Variants in GCSAML observed in about 807,000 individuals in gnomAD.
The protein encoded by GCSAML is germinal center associated signaling and motility like, also known as germinal center-associated signaling and motility-like protein.
Under a neutral mutation model 13.0 loss-of-function variants are expected in GCSAML, and 9 were observed. That is an observed-to-expected ratio of 0.69 (90% CI 0.42 to 1.21). The LOEUF is 1.21. GCSAML is among the 50% of genes most tolerant of loss of function. GCSAML has a pLI of 0.00. For synonymous variants in GCSAML, 37 were observed against 52.9 expected (o/e 0.70, Z 1.31); for missense variants, 143 against 153.4 (o/e 0.93, Z 0.36).
At chr1:247,550,299 C>T (rs1667722650) in intron 1 of GCSAML, among the ~76,000 whole-genome samples, 1 of 152,158 alleles carries the variant, frequency 6.6e-6, no homozygotes, top group African/African-American at 2.4e-5. Context: ...TCAGCTGTCC[C>T]TTGATGTCTT....
chr1:247,517,930 G>A (rs969360724), intron 1 of GCSAML, among the ~76,000 whole-genome samples: 1 of 152,166 alleles, frequency 6.6e-6, no homozygotes, highest in African/African-American at 2.4e-5. Flanking sequence ...GCCAAAGCTG[G>A]AGACGGTCCC....
At chr1:247,546,572 A>G (rs1255434263), upstream of GCSAML, among the ~76,000 whole-genome samples, 2 of 152,062 alleles carry the variant, frequency 1.3e-5, no homozygotes, top group African/African-American at 2.4e-5. Flanking sequence ...TGTGTTAGCC[A>G]GGATGGTCTC....
At chr1:247,566,095 T>G in intron 4 of GCSAML, 136 bp downstream of exon 4, 1 of 590,402 alleles carries the variant, frequency 1.7e-6, no homozygotes, top group Non-Finnish European at 2.8e-6. Context: ...AAATGTACTT[T>G]TAGAAATCAT....
At chr1:247,531,292 T>C in intron 2 of GCSAML, 1 of 463,236 alleles carries the variant, frequency 2.2e-6, no homozygotes, top group East Asian at 3.6e-5. Context: ...ACGCAAGGAG[T>C]TTACAAAACA....
At chr1:247,532,529 G>A in intron 2 of GCSAML, 1 of 1,606,702 alleles carries the variant, frequency 6.2e-7, no homozygotes, top group Non-Finnish European at 8.5e-7. Flanking sequence ...TGGGGGTGGG[G>A]CAAAAGGCCA....
upstream of GCSAML, chr1:247,549,107 A>T (rs1052407994): frequency 2.5e-6 from 4 of 1,613,510 alleles, no homozygotes; most frequent in Non-Finnish European, 2.5e-6. Flanking sequence ...GTCCTGCCTC[A>T]TGCATTTTCC....
At chr1:247,566,024 A>G (rs188761411) in intron 4 of GCSAML, 65 bp downstream of exon 4, 211 of 1,122,110 alleles carry the variant, frequency 1.9e-4, no homozygotes, top group Non-Finnish European at 2.5e-4. Context: ...TGTCTGATAA[A>G]TGCCAAAATA....
chr1:247,534,392 G>C (rs1053963380), intron 2 of GCSAML, among the ~76,000 whole-genome samples: 1 of 152,190 alleles, frequency 6.6e-6, no homozygotes, highest in African/African-American at 2.4e-5. Flanking sequence ...TAATATGAAG[G>C]CAGAGTGGAA....
chr1:247,519,428 A>C (rs1006006022), intron 1 of GCSAML: 2 of 152,158 alleles, frequency 1.3e-5, no homozygotes, highest in South Asian at 4.1e-4. Context: ...TCTGGGGTAC[A>C]CTTGTTCCCA....
At chr1:247,549,090 A>G (rs768604201), upstream of GCSAML, 1 of 1,611,716 alleles carries the variant, frequency 6.2e-7, no homozygotes, top group East Asian at 2.2e-5. Flanking sequence ...CCGTGGTCAG[A>G]TGCAACGTCC....
chr1:247,566,896 A>C (rs1668395493), intron 4 of GCSAML, among the ~76,000 whole-genome samples: 1 of 151,834 alleles, frequency 6.6e-6, no homozygotes, highest in Admixed American at 6.6e-5. Flanking sequence ...TTACTTATTC[A>C]TTACTTACTG....
intron 2 of GCSAML, among the ~76,000 whole-genome samples, chr1:247,539,520 T>A (rs1041417417): frequency 1.3e-5 from 2 of 152,344 alleles, no homozygotes; most frequent in African/African-American, 2.4e-5. Flanking sequence ...AGTTTTATTT[T>A]TTTTTATTAT....
At chr1:247,517,795 C>A (rs1166618939) in intron 1 of GCSAML, among the ~76,000 whole-genome samples, 1 of 152,148 alleles carries the variant, frequency 6.6e-6, no homozygotes, top group African/African-American at 2.4e-5. Flanking sequence ...GAGGACAGAA[C>A]AACACGTGCC....
chr1:247,572,868 A>C (rs976901878), intron 4 of GCSAML, among the ~76,000 whole-genome samples: 1 of 152,214 alleles, frequency 6.6e-6, no homozygotes, highest in African/African-American at 2.4e-5. Context: ...GATGCCCTGC[A>C]CAGAGAGGAG....
At chr1:247,515,426 T>C (rs1479120553) in intron 1 of GCSAML, among the ~76,000 whole-genome samples, 1 of 152,224 alleles carries the variant, frequency 6.6e-6, no homozygotes, top group Non-Finnish European at 1.5e-5. Flanking sequence ...AAAGGAATGG[T>C]AACTAATTAA....
intron 1 of GCSAML, chr1:247,525,891 C>G (rs1352043371): frequency 1.3e-5 from 2 of 152,202 alleles, no homozygotes; most frequent in African/African-American, 2.4e-5. Context: ...ACAAGTACCA[C>G]TTTAAGGAAT....
At chr1:247,572,651 G>T (rs921095851) in intron 4 of GCSAML, among the ~76,000 whole-genome samples, 20 of 152,358 alleles carry the variant, frequency 1.3e-4, no homozygotes, top group African/African-American at 4.3e-4. Flanking sequence ...TCCCTGTTGG[G>T]AGGTGTTTCC....
At chr1:247,565,055 AT>A (rs1241525296) in intron 3 of GCSAML, among the ~76,000 whole-genome samples, 1 of 152,222 alleles carries the variant, frequency 6.6e-6, no homozygotes, top group Admixed American at 6.5e-5. Context: ...CACAGCAAAA[AT>A]AACTAACAAG....
rs1243033366 is a variant in GCSAML at position 247,549,357 on chromosome 1, C to T, written c.29+137C>T. The T allele has an allele frequency of 6.2e-6, 4 of 649,240 alleles. No individual in the cohort carries two copies. The East Asian group carries it at 1.1e-4, about 18-fold the overall frequency. The allele number at this position is 649,240 out of a possible 1,614,324, so 40.2% of individuals were successfully genotyped here. A position where few individuals can be genotyped will look rare whatever the true frequency, so the allele number is the denominator to read the frequency against. ...GCCTGAAGACAGCATCCTCTAGGAGCACACAGTGACGCCCAGTTGGCTCCT... is the reference window on the plus strand; with the variant it reads ...GCCTGAAGACAGCATCCTCTAGGAGTACACAGTGACGCCCAGTTGGCTCCT... On this transcript the variant is annotated intron_variant, in intron 1 of 4. Coordinates refer to ENST00000366488, the MANE Select transcript of GCSAML (RefSeq NM_145278.5).
Sources: gnomAD v4.1 joint callset for allele counts (sites outside exome capture counted in the v4.1 genomes callset) on GRCh38, gnomAD v4.1.1 for gene constraint, MANE v1.5 for transcripts, NCBI Gene and HGNC (gene_info 2026-07-23, HGNC 2026-07-21) for gene names.